MARCHF1: variants seen among roughly 807,000 people sequenced by gnomAD.
MARCHF1 encodes the protein membrane associated ring-CH-type finger 1.
A neutral mutation model predicts 54.2 loss-of-function variants in MARCHF1; 40 were observed. The ratio of observed to expected loss-of-function variants is 0.74; its 90% CI spans 0.57 to 0.96. MARCHF1 has a LOEUF of 0.96. MARCHF1 is among the 40% of genes least tolerant of loss of function. The probability of loss-of-function intolerance (pLI) is 0.00; values close to 1 mark genes in which losing one functional copy is unlikely to be tolerated. For missense variants in MARCHF1, 586 were observed against 656.5 expected, an observed-to-expected ratio of 0.89 and a Z score of 1.17; for synonymous variants, 236 against 236.3, an observed-to-expected ratio of 1.00 and a Z score of 0.01.
chr4:164,371,974 C>T (rs1205676492), intron 1 of MARCHF1, among the ~76,000 whole-genome samples: 4 of 152,170 alleles, frequency 2.6e-5, no homozygotes, highest in Non-Finnish European at 4.4e-5. Context: ...AAGCCTCCTC[C>T]TGCAGGCTGT....
At chr4:164,044,521 A>G (rs527385766) in intron 2 of MARCHF1, among the ~76,000 whole-genome samples, 7 of 152,282 alleles carry the variant, frequency 4.6e-5, no homozygotes, top group African/African-American at 1.4e-4. Flanking sequence ...CCTTCTTCCA[A>G]TTCGACATGA....
chr4:164,023,665 A>C (rs1258517461), intron 2 of MARCHF1, among the ~76,000 whole-genome samples: 1 of 152,216 alleles, frequency 6.6e-6, no homozygotes, highest in Admixed American at 6.5e-5. Context: ...GATGTCTGGC[A>C]ATTCAAAAAG....
At position 163,705,736 on chromosome 4, in the gene MARCHF1, A is replaced by G. The variant is rs183258088; in HGVS notation, c.112-4873T>C. Among the ~76,000 whole-genome samples the G allele has an allele frequency of 5.7e-4, 87 of 152,114 alleles. 1 individual carries two copies. The highest frequency in any genetic ancestry group is 2.5e-3 in the South Asian group (12 of 4,824). ...TACAAAATATAATGCTAATTGTTAA[A>G]ATACAGAAACTACAAAAATTATAGA... On this transcript the variant is annotated intron_variant, in intron 4 of 9. Coordinates refer to ENST00000514618, the MANE Select transcript of MARCHF1 (RefSeq NM_001394959.1).
At chr4:164,266,923 T>C (rs374913357) in intron 1 of MARCHF1, among the ~76,000 whole-genome samples, 4 of 152,322 alleles carry the variant, frequency 2.6e-5, no homozygotes, top group Admixed American at 6.5e-5. Flanking sequence ...ATTTAAGCAA[T>C]ACTCATTAAA....
intron 3 of MARCHF1, among the ~76,000 whole-genome samples, chr4:163,856,888 T>C (rs1316890803): frequency 1.3e-5 from 2 of 152,006 alleles, no homozygotes; most frequent in Non-Finnish European, 2.9e-5. Context: ...GGCATGTGCC[T>C]GTAGTCTCAG....
chr4:163,712,409 T>A (rs915858678), intron 4 of MARCHF1, among the ~76,000 whole-genome samples: 28 of 152,162 alleles, frequency 1.8e-4, no homozygotes, highest in African/African-American at 6.8e-4. Context: ...GCATAAAATT[T>A]AAAAATACTA....
At chr4:164,054,435 A>G (rs1436763104) in intron 2 of MARCHF1, among the ~76,000 whole-genome samples, 1 of 151,968 alleles carries the variant, frequency 6.6e-6, no homozygotes, top group Non-Finnish European at 1.5e-5. Flanking sequence ...GTATATACCC[A>G]AAGGACTATA....
At position 164,276,947 on chromosome 4, in the gene MARCHF1, T is replaced by TATATATATATATAGAG. The variant is rs1392528920; in HGVS notation, c.-323+106922_-323+106923insCTCTATATATATATAT. On this transcript the variant is annotated intron_variant, in intron 1 of 9. Coordinates refer to ENST00000514618, the MANE Select transcript of MARCHF1 (RefSeq NM_001394959.1). ...ATGTCTCATATTCTATATATATATATAGAGAGAGAGAGAGAGAGAGACAGA... is the reference window on the plus strand; with the variant it reads ...ATGTCTCATATTCTATATATATATATATATATATATATAGAGAGAGAGAGAGAGAGAGAGAGACAGA... Among the ~76,000 whole-genome samples the TATATATATATATAGAG allele has an allele frequency of 2.5e-3, 297 of 118,754 alleles. 2 individuals carry two copies. The highest frequency in any genetic ancestry group is 4.5e-3 in the East Asian group (18 of 4,000). The allele number at this position is 118,754 out of a possible 152,430, so 77.9% of individuals were successfully genotyped here.
intron 2 of MARCHF1, among the ~76,000 whole-genome samples, chr4:164,018,402 T>C (rs1346323623): frequency 6.6e-6 from 1 of 151,962 alleles, no homozygotes; most frequent in Non-Finnish European, 1.5e-5. Flanking sequence ...TATATGATTA[T>C]ATCTATATAT....
chr4:164,226,161 A>C (rs565358095), intron 1 of MARCHF1, among the ~76,000 whole-genome samples: 7 of 152,184 alleles, frequency 4.6e-5, no homozygotes, highest in Non-Finnish European at 7.4e-5. Flanking sequence ...TAACATTAAG[A>C]ATAAAAGAAG....
At chr4:163,578,683 A>T (rs1740117664) in intron 8 of MARCHF1, among the ~76,000 whole-genome samples, 2 of 152,156 alleles carry the variant, frequency 1.3e-5, no homozygotes, top group African/African-American at 4.8e-5. Flanking sequence ...TTGTCTTACA[A>T]AGACCAAGCA....
intron 1 of MARCHF1, among the ~76,000 whole-genome samples, chr4:164,199,089 G>A (rs569478781): frequency 7.2e-5 from 11 of 152,226 alleles, no homozygotes; most frequent in African/African-American, 2.6e-4. Flanking sequence ...TGCTCAGATT[G>A]ATCACATGTT....
chr4:163,589,166 C>T (rs993202031), intron 7 of MARCHF1, among the ~76,000 whole-genome samples: 12 of 151,452 alleles, frequency 7.9e-5, no homozygotes, highest in Non-Finnish European at 1.8e-4. Flanking sequence ...AAAGATTTTG[C>T]AGCTCTGATT....
At chr4:163,620,606 C>CAGAGAGAG (rs138054709) in intron 5 of MARCHF1, among the ~76,000 whole-genome samples, 29 of 56,862 alleles carry the variant, frequency 5.1e-4, no homozygotes, top group Non-Finnish European at 1.2e-3. Flanking sequence ...CACACACACA[C>CAGAGAGAG]AGAGAGAGAG....
chr4:163,807,808 G>GTT (rs5863631), intron 4 of MARCHF1, among the ~76,000 whole-genome samples: 67 of 150,606 alleles, frequency 4.4e-4, no homozygotes, highest in South Asian at 1.0e-3. Flanking sequence ...GAAATCATAG[G>GTT]TTTTTTTTTG....
At position 163,694,587 on chromosome 4, in the gene MARCHF1, GT is replaced by G. The variant is rs141841480; in HGVS notation, c.162+6225del. Among the ~76,000 whole-genome samples, 235 of 152,152 alleles carry G rather than the reference GT, an allele frequency of 1.5e-3. 7 individuals are homozygous for G. The East Asian group carries it at 0.042, about 27-fold the overall frequency. ...GCCTTTCTTACTCCTTGGATGTCTT[GT>G]CCTAGGAATATTCTCATAGTGAGTC... On this transcript the variant is annotated intron_variant, in intron 5 of 9. Transcript: ENST00000514618.
chr4:163,908,096 C>T (rs1299621114), intron 3 of MARCHF1, among the ~76,000 whole-genome samples: 1 of 152,112 alleles, frequency 6.6e-6, no homozygotes, highest in Admixed American at 6.6e-5. Context: ...TGGCTCATCT[C>T]ACAGGATTAA....
At position 164,338,926 on chromosome 4, in the gene MARCHF1, C is replaced by T. The variant is rs544900404; in HGVS notation, c.-323+44944G>A. On this transcript the variant is annotated intron_variant, in intron 1 of 9. Transcript: ENST00000514618. ...GGCGGAGATTGCAGTGAGCCAAGAT[C>T]GCACCATTGCACTACAGCCTGAGCA... Among the ~76,000 whole-genome samples the T allele has an allele frequency of 7.9e-5, 12 of 151,964 alleles. No individual in the cohort carries two copies. In the East Asian group the frequency reaches 1.2e-3, roughly 15 times the overall value.
intron 1 of MARCHF1, among the ~76,000 whole-genome samples, chr4:164,312,186 A>G (rs1330515128): frequency 6.6e-6 from 1 of 152,208 alleles, no homozygotes; most frequent in African/African-American, 2.4e-5. Context: ...TTCAAATTAC[A>G]GAGAACAGAT....
Sources: allele counts gnomAD v4.1 joint callset (sites outside exome capture counted in the v4.1 genomes callset), GRCh38; gene constraint gnomAD v4.1.1; transcripts MANE v1.5; gene names NCBI Gene and HGNC (gene_info 2026-07-23, HGNC 2026-07-21).